BMX: variants seen among roughly 807,000 people sequenced by gnomAD.
BMX encodes cytoplasmic tyrosine-protein kinase BMX.
BMX carries 31 observed loss-of-function variants against 59.2 expected under a neutral mutation model. The ratio of observed to expected loss-of-function variants is 0.52; its 90% CI spans 0.39 to 0.71. The LOEUF (loss-of-function observed/expected upper bound fraction) is 0.71, where lower values mean the gene tolerates loss of function less well. Ranked by LOEUF, BMX falls within the 30% of genes least tolerant of loss-of-function variation. The pLI is 0.00. For synonymous variants in BMX, 185 were observed against 181.0 expected (o/e 1.02, Z -0.18); for missense variants, 474 against 491.7 (o/e 0.96, Z 0.34).
rs758831876 is a variant in BMX, at chrX:15,542,190, C to A, written c.1603C>A (p.Arg535=). ...CTTGGAGAGTCACCAATTCATACACCGGGACTTGGTAAGCAAAGCCATTGG... is the reference window on the plus strand; with the variant it reads ...CTTGGAGAGTCACCAATTCATACACAGGGACTTGGTAAGCAAAGCCATTGG... ...AFLESHQFIH[R]DLAARNCLVD... is the part of the protein sequence containing the mutation. Residue 535 remains arginine, a synonymous_variant, in exon 15 of 19, where the codon CGG becomes AGG. Transcript: ENST00000348343. 2 of 1,209,508 alleles carry A rather than the reference C, an allele frequency of 1.7e-6. No homozygotes were observed. The highest frequency in any genetic ancestry group is 2.2e-6 in the Non-Finnish European group (2 of 893,855).
At chrX:15,544,879 G>C (rs1925873005) in intron 16 of BMX, among the ~76,000 whole-genome samples, 1 of 111,213 alleles carries the variant, frequency 9.0e-6, no homozygotes, top group African/African-American at 3.3e-5. Flanking sequence ...TATTTAGAAG[G>C]ATGATCTTCC....
intron 3 of BMX, 71 bp from the exon 4 acceptor site, chrX:15,511,366 A>G: frequency 6.5e-6 from 6 of 920,788 alleles, no homozygotes; most frequent in Non-Finnish European, 9.1e-6. Flanking sequence ...GGATGACAAA[A>G]AATTTGCAGG....
chrX:15,517,844 G>A, intron 5 of BMX, 85 bp from the exon 6 acceptor site: 2 of 832,024 alleles, frequency 2.4e-6, no homozygotes, highest in Non-Finnish European at 3.5e-6. Context: ...ACACAAGCTG[G>A]TTCATTCTTT....
At chrX:15,533,774 GT>G (rs759889069) in intron 11 of BMX, among the ~76,000 whole-genome samples, 8 of 111,610 alleles carry the variant, frequency 7.2e-5, no homozygotes, top group African/African-American at 2.3e-4. Context: ...CTCCTCCCAT[GT>G]TTTGGGGTGA....
At chrX:15,534,360 T>C (rs776127442) in intron 12 of BMX, 21 bp downstream of exon 12, 44 of 1,143,914 alleles carry the variant, frequency 3.8e-5, no homozygotes, top group Non-Finnish European at 5.0e-5. Context: ...TTAGTTTTTC[T>C]TTTATGGGCC....
Position 15,522,473 on chromosome X carries a change from T to C in BMX, c.638T>C (p.Leu213Pro), listed in dbSNP as rs1924510233. Residue 213 changes from leucine to proline, a missense_variant, in exon 7 of 19, where the codon CTA becomes CCA. By Grantham distance (98) the Leu-to-Pro change is moderately conservative. Coordinates refer to ENST00000348343, the MANE Select transcript of BMX (RefSeq NM_203281.3). ...CAGCCACCATCTTCAAGTACCAGTC[T>C]AGCGCAATATGACAGCAACTCAAAG... ...GSQPPSSSTS[L>P]AQYDSNSKKI... is the part of the protein sequence containing the mutation. The C allele has an allele frequency of 1.6e-6, 2 of 1,212,151 alleles. No homozygotes were observed. Among genetic ancestry groups the C allele is most frequent in the Admixed American group, 4.3e-5 (2 of 46,078 alleles).
rs193178387 is a variant in BMX at position 15,512,118 on chromosome X, C to T, written c.325+600C>T. 7.6e-3 allele frequency among the ~76,000 whole-genome samples: 853 copies of T among 111,735 alleles called. 21 individuals carry two copies. The highest frequency in any genetic ancestry group is 0.075 in the Admixed American group (784 of 10,516). On this transcript the variant is annotated intron_variant, in intron 4 of 18. Coordinates refer to ENST00000348343, the MANE Select transcript of BMX (RefSeq NM_203281.3). Reference sequence around the variant, plus strand: ...CCTAAACCTGATTTTTTAACCAATACATTGTAAATGCTAGGCAAAACTGAA... The same window carrying T: ...CCTAAACCTGATTTTTTAACCAATATATTGTAAATGCTAGGCAAAACTGAA...
intron 1 of BMX, among the ~76,000 whole-genome samples, chrX:15,504,192 T>A (rs1436678596): frequency 1.8e-5 from 2 of 112,582 alleles, no homozygotes; most frequent in African/African-American, 6.5e-5. Flanking sequence ...GAATAGACTC[T>A]ACTCTAGCAC....
chrX:15,516,584 G>C (rs888050900), intron 5 of BMX, among the ~76,000 whole-genome samples: 2 of 110,541 alleles, frequency 1.8e-5, no homozygotes, highest in Admixed American at 1.9e-4. Flanking sequence ...TGTCATCATA[G>C]TTCAAACAGC....
intron 4 of BMX, among the ~76,000 whole-genome samples, chrX:15,514,948 T>C (rs1924092483): frequency 8.9e-6 from 1 of 111,845 alleles, no homozygotes; most frequent in Non-Finnish European, 1.9e-5. Flanking sequence ...AGATGAAATA[T>C]ATTTTAAATA....
chrX:15,551,884 G>C (rs1248248029), intron 18 of BMX, among the ~76,000 whole-genome samples: 1 of 111,038 alleles, frequency 9.0e-6, no homozygotes, highest in Non-Finnish European at 1.9e-5. Flanking sequence ...AAGGCATCTC[G>C]AGGGGGTGGC....
At chrX:15,511,303 C>T in intron 3 of BMX, 134 bp from the exon 4 acceptor site, 8 of 421,484 alleles carry the variant, frequency 1.9e-5, no homozygotes. Flanking sequence ...AAATTTTTTT[C>T]ATCTAATTCC....
chrX:15,538,811 A>G (rs946329267), intron 14 of BMX, among the ~76,000 whole-genome samples: 1 of 111,635 alleles, frequency 9.0e-6, no homozygotes, highest in Non-Finnish European at 1.9e-5. Context: ...CATAATTGCA[A>G]AATTATTTGG....
Position 15,516,230 on chromosome X carries a change from A to T in BMX, c.444A>T (p.Ala148=). The T allele has an allele frequency of 8.3e-7, 1 of 1,208,995 alleles. No individual in the cohort carries two copies. Among genetic ancestry groups the T allele is most frequent in the Non-Finnish European group, 1.1e-6 (1 of 893,953 alleles). Reference sequence around the variant, plus strand: ...CCCCAGGATGTACCCTCTGGGAAGCATGTAATGTGTGATTCCTCTGTTGGA... The same window carrying T: ...CCCCAGGATGTACCCTCTGGGAAGCTTGTAATGTGTGATTCCTCTGTTGGA... ...KAAPGCTLWE[A]YANLHTAVNE... The change falls in exon 5 of 19, where the codon GCA becomes GCT. Residue 148 remains alanine, a splice_region_variant and synonymous_variant. Transcript: ENST00000348343.
intron 1 of BMX, among the ~76,000 whole-genome samples, chrX:15,504,762 G>T (rs1013085683): frequency 8.9e-6 from 1 of 112,133 alleles, no homozygotes; most frequent in Non-Finnish European, 1.9e-5. Context: ...CCAGGTTTTT[G>T]TGTCTCCTCT....
At chrX:15,513,333 T>C (rs1438856299) in intron 4 of BMX, among the ~76,000 whole-genome samples, 1 of 111,967 alleles carries the variant, frequency 8.9e-6, no homozygotes, top group Non-Finnish European at 1.9e-5. Context: ...TTATGTCACA[T>C]CATCCAGAAC....
At position 15,516,149 on chromosome X, in the gene BMX, TA is replaced by T. The variant is rs750434292; in HGVS notation, c.364del (p.Ser122ValfsTer50). On this transcript the variant is annotated frameshift_variant, in exon 5 of 19. Transcript: ENST00000348343. LOFTEE classifies it high-confidence loss of function. ...ACCCCCACCTGCTGGTCAAGTACCATAGTGGGTTCTTCGTGGACGGGAAGTT... is the reference window on the plus strand; with the variant it reads ...ACCCCCACCTGCTGGTCAAGTACCATGTGGGTTCTTCGTGGACGGGAAGTT... ...GNPHLLVKYHSGFFVDGKFLC... is the reference protein window; with the variant it reads ...GNPHLLVKYHXGFFVDGKFLC... 5 of 1,211,337 alleles carry T rather than the reference TA, an allele frequency of 4.1e-6. No homozygotes were observed. In the South Asian group the frequency reaches 7.0e-5, roughly 17 times the overall value.
Position 15,531,374 on chromosome X carries a change from T to C in BMX, c.986T>C (p.Met329Thr). Residue 329 changes from methionine (M) to threonine (T), a missense_variant, in exon 11 of 19, where the codon ATG (methionine) becomes ACG (threonine). Transcript: ENST00000348343. ...GTTAGAAATTCGAGCCAAGTGGGAA[T>C]GTACACAGTGTCCTTATTTAGTAAG... ...FMVRNSSQVG[M>T]YTVSLFSKAV... 2 of 1,208,539 alleles carry C rather than the reference T, an allele frequency of 1.7e-6. No individual in the cohort carries two copies. The highest frequency in any genetic ancestry group is 2.2e-6 in the Non-Finnish European group (2 of 892,966).
At chrX:15,549,069 A>G (rs1347236352) in intron 17 of BMX, among the ~76,000 whole-genome samples, 4 of 111,238 alleles carry the variant, frequency 3.6e-5, no homozygotes, top group Non-Finnish European at 5.7e-5. Flanking sequence ...AACTTATCCC[A>G]CCTGTAAGTG....
Sources: allele counts gnomAD v4.1 joint callset (sites outside exome capture counted in the v4.1 genomes callset), GRCh38; gene constraint gnomAD v4.1.1; transcripts MANE v1.5; gene names NCBI Gene and HGNC (gene_info 2026-07-23, HGNC 2026-07-21).